METAP1: variants seen among roughly 807,000 people sequenced by gnomAD.
METAP1 encodes the protein methionine aminopeptidase 1.
METAP1 carries 28 observed loss-of-function variants against 53.8 expected under a neutral mutation model. The observed-to-expected ratio is 0.52, with a 90% CI of 0.39 to 0.71. The LOEUF (loss-of-function observed/expected upper bound fraction) is 0.71. Ranked by LOEUF, METAP1 falls within the 30% of genes least tolerant of loss-of-function variation. METAP1 has a pLI of 0.00. For synonymous variants in METAP1, 181 were observed against 165.7 expected, an observed-to-expected ratio of 1.09 and a Z score of -0.71; for missense variants, 389 against 479.8, an observed-to-expected ratio of 0.81 and a Z score of 1.77.
intron 2 of METAP1, among the ~76,000 whole-genome samples, chr4:99,032,368 G>A (rs1725107050): frequency 6.6e-6 from 1 of 152,000 alleles, no homozygotes; most frequent in Non-Finnish European, 1.5e-5. Flanking sequence ...GAGTAGTTGG[G>A]ATTACAGGTG....
intron 8 of METAP1, among the ~76,000 whole-genome samples, chr4:99,046,544 C>T (rs1376453489): frequency 6.6e-6 from 1 of 152,134 alleles, no homozygotes; most frequent in Non-Finnish European, 1.5e-5. Context: ...CTGCAATCCT[C>T]CCCAGTCTCT....
chr4:99,034,489 A>G, intron 3 of METAP1, 147 bp downstream of exon 3: 1 of 609,030 alleles, frequency 1.6e-6, no homozygotes, highest in Non-Finnish European at 2.9e-6. Flanking sequence ...CTTACGGTGC[A>G]TCATTTGGGA....
intron 1 of METAP1, among the ~76,000 whole-genome samples, chr4:99,017,960 A>G (rs1374977972): frequency 6.6e-6 from 1 of 152,250 alleles, no homozygotes; most frequent in East Asian, 1.9e-4. Flanking sequence ...GGGTTTTTCT[A>G]AAGAAGGCAG....
intron 1 of METAP1, among the ~76,000 whole-genome samples, chr4:98,996,806 A>T (rs1227485468): frequency 6.6e-6 from 1 of 152,222 alleles, no homozygotes; most frequent in Non-Finnish European, 1.5e-5. Flanking sequence ...GTTACAGTCC[A>T]GGTTTAGTGA....
intron 5 of METAP1, 25 bp downstream of exon 5, chr4:99,039,490 G>T: frequency 7.1e-7 from 1 of 1,404,522 alleles, no homozygotes; most frequent in Non-Finnish European, 1.0e-6. Context: ...TTCTCCATGG[G>T]GTAGGAAATG....
intron 1 of METAP1, among the ~76,000 whole-genome samples, chr4:99,016,543 A>G (rs564469038): frequency 5.4e-4 from 82 of 152,312 alleles, no homozygotes; most frequent in South Asian, 2.7e-3. Flanking sequence ...CCTGGGTATA[A>G]TATGTTCAAT....
chr4:99,002,361 G>A (rs1034197209), intron 1 of METAP1, among the ~76,000 whole-genome samples: 2 of 152,166 alleles, frequency 1.3e-5, no homozygotes, highest in African/African-American at 2.4e-5. Flanking sequence ...TTAATGTAAT[G>A]GAATATAAAT....
chr4:98,999,772 A>C (rs1418281021), intron 1 of METAP1, among the ~76,000 whole-genome samples: 1 of 151,712 alleles, frequency 6.6e-6, no homozygotes, highest in Non-Finnish European at 1.5e-5. Flanking sequence ...CAGCCTCCCA[A>C]AGTGCTAGGA....
intron 6 of METAP1, among the ~76,000 whole-genome samples, chr4:99,042,574 T>G (rs769192446): frequency 2.7e-4 from 41 of 152,236 alleles, no homozygotes; most frequent in Admixed American, 2.4e-3. Flanking sequence ...GGAAGTACTT[T>G]ACCGTTTCTT....
At chr4:99,012,269 G>GT (rs34482996) in intron 1 of METAP1, among the ~76,000 whole-genome samples, 93 of 106,666 alleles carry the variant, frequency 8.7e-4, no homozygotes, top group Admixed American at 1.4e-3. Context: ...GTTAATGTGA[G>GT]TTTTTTTTTT....
chr4:99,055,074 A>G (rs1726999022), intron 9 of METAP1, among the ~76,000 whole-genome samples: 1 of 152,054 alleles, frequency 6.6e-6, no homozygotes, highest in Non-Finnish European at 1.5e-5. Context: ...GGGTTGCCAC[A>G]AATCTTCAAT....
rs1255319295 is a variant in METAP1 at position 99,062,728 on chromosome 4, A to G, written c.*1411A>G. ...TGTGTGAAGTTTTTATCAAACTGTA[A>G]TATTTGTGAATGGAATGCCTTGCAA... On this transcript the variant is annotated 3_prime_UTR_variant, in exon 11 of 11. Coordinates refer to ENST00000296411, the MANE Select transcript of METAP1 (RefSeq NM_015143.3). 1 of 152,596 alleles carries G rather than the reference A, an allele frequency of 6.6e-6. No homozygotes were observed. Among genetic ancestry groups the G allele is most frequent in the Non-Finnish European group, 1.5e-5 (1 of 68,032 alleles). The allele number at this position is 152,596 out of a possible 1,614,324, so 9.5% of individuals were successfully genotyped here.
At chr4:99,041,320 T>G (rs1725850034) in intron 6 of METAP1, among the ~76,000 whole-genome samples, 194 bp downstream of exon 6, 2 of 152,168 alleles carry the variant, frequency 1.3e-5, no homozygotes, top group Non-Finnish European at 2.9e-5. Flanking sequence ...ATCTATAATA[T>G]TAAGGTCTGA....
intron 1 of METAP1, among the ~76,000 whole-genome samples, chr4:99,000,059 A>G (rs1014532269): frequency 2.5e-4 from 38 of 152,212 alleles, no homozygotes; most frequent in African/African-American, 9.2e-4. Flanking sequence ...ATTTCCTTAC[A>G]TGAAAGAAAA....
intron 2 of METAP1, among the ~76,000 whole-genome samples, chr4:99,033,697 T>G (rs967778754): frequency 2.0e-5 from 3 of 152,240 alleles, no homozygotes; most frequent in Non-Finnish European, 4.4e-5. Flanking sequence ...CATAAAGTTT[T>G]CAAAGCAATT....
chr4:99,044,029 C>T (rs1263746990), intron 7 of METAP1, among the ~76,000 whole-genome samples: 1 of 152,134 alleles, frequency 6.6e-6, no homozygotes, highest in Non-Finnish European at 1.5e-5. Context: ...ACTTCCCTGG[C>T]TCAGGTGATC....
intron 8 of METAP1, among the ~76,000 whole-genome samples, chr4:99,047,808 T>C (rs1223025371): frequency 2.0e-5 from 3 of 152,168 alleles, no homozygotes; most frequent in Admixed American, 6.5e-5. Flanking sequence ...GAACCACTTT[T>C]TTTGTTTTGT....
At chr4:99,010,659 C>T (rs562130764) in intron 1 of METAP1, among the ~76,000 whole-genome samples, 1 of 152,272 alleles carries the variant, frequency 6.6e-6, no homozygotes, top group South Asian at 2.1e-4. Context: ...ATTTGGGTCC[C>T]TTGAGATTTC....
intron 1 of METAP1, among the ~76,000 whole-genome samples, chr4:99,009,492 A>T (rs1234608706): frequency 6.6e-6 from 1 of 152,152 alleles, no homozygotes; most frequent in African/African-American, 2.4e-5. Flanking sequence ...ACAATGTACA[A>T]GGGTTCTGAT....
Sources: gnomAD v4.1 joint callset for allele counts (sites outside exome capture counted in the v4.1 genomes callset) on GRCh38, gnomAD v4.1.1 for gene constraint, MANE v1.5 for transcripts, NCBI Gene and HGNC (gene_info 2026-07-23, HGNC 2026-07-21) for gene names.